The following CNTN4 variants were observed in gnomAD, a reference collection of about 807,000 sequenced individuals.
CNTN4 encodes the protein contactin-4.
A neutral mutation model predicts 122.5 loss-of-function variants in CNTN4; 77 were observed. The ratio of observed to expected loss-of-function variants is 0.63; its 90% CI spans 0.52 to 0.76. The LOEUF is 0.76. CNTN4 is among the 30% of genes least tolerant of loss of function. The pLI is 0.00. For synonymous variants in CNTN4, 512 were observed against 447.0 expected (o/e 1.15, Z -1.83); for missense variants, 1,256 against 1,259.1 (o/e 1.00, Z 0.04).
chr3:2,735,508 T>A (rs908846533), intron 4 of CNTN4, among the ~76,000 whole-genome samples: 1 of 152,198 alleles, frequency 6.6e-6, no homozygotes, highest in African/African-American at 2.4e-5. Flanking sequence ...TCCAAGCACA[T>A]AATCAGTGGA....
rs902710703 is a variant in CNTN4, at chr3:2,290,069, G to A, written c.-144-49109G>A. 3.3e-5 allele frequency among the ~76,000 whole-genome samples: 5 copies of A among 152,082 alleles called. No homozygotes were observed. In the East Asian group the frequency reaches 5.8e-4, roughly 18 times the overall value. On this transcript the variant is annotated intron_variant, in intron 2 of 24. Coordinates refer to ENST00000418658, the MANE Select transcript of CNTN4 (RefSeq NM_175607.3). ...TTTGAAACTTTTCTACACCTAACAC[G>A]ATGGAGTAACAGGGACTGGATTTAT...
intron 3 of CNTN4, among the ~76,000 whole-genome samples, chr3:2,469,292 A>G (rs2075607126): frequency 6.6e-6 from 1 of 152,318 alleles, no homozygotes; most frequent in Non-Finnish European, 1.5e-5. Context: ...TCTACTTTTA[A>G]AGTTGAAGCT....
At chr3:2,346,320 T>C (rs967247112) in intron 3 of CNTN4, among the ~76,000 whole-genome samples, 2 of 152,256 alleles carry the variant, frequency 1.3e-5, no homozygotes, top group Admixed American at 6.5e-5. Flanking sequence ...ATTGTATCAC[T>C]CAAAGTTCCA....
intron 3 of CNTN4, among the ~76,000 whole-genome samples, chr3:2,455,645 A>C (rs2151391017): frequency 6.6e-6 from 1 of 152,218 alleles, no homozygotes; most frequent in Admixed American, 6.6e-5. Flanking sequence ...GCGCCTCCAA[A>C]AAATATGCAA....
chr3:2,574,195 A>AG (rs2079557721), intron 4 of CNTN4, among the ~76,000 whole-genome samples: 4 of 151,946 alleles, frequency 2.6e-5, no homozygotes, highest in African/African-American at 9.7e-5. Context: ...CAGCCTGGGC[A>AG]ACAAGAGTGA....
At chr3:2,379,683 G>A (rs766098860) in intron 3 of CNTN4, among the ~76,000 whole-genome samples, 4 of 152,160 alleles carry the variant, frequency 2.6e-5, no homozygotes, top group Middle Eastern at 3.4e-3. Flanking sequence ...ACTTTTTCAG[G>A]CTATTTGATC....
chr3:2,363,085 T>A (rs2045226432), intron 3 of CNTN4, among the ~76,000 whole-genome samples: 1 of 152,212 alleles, frequency 6.6e-6, no homozygotes, highest in South Asian at 2.1e-4. Context: ...TATCTATATC[T>A]GAACCAGTCA....
intron 13 of CNTN4, chr3:2,985,577 G>A: frequency 6.6e-6 from 1 of 152,314 alleles, no homozygotes; most frequent in Non-Finnish European, 1.5e-5. Flanking sequence ...ACTGGCCATG[G>A]CTCCAGCTCG....
intron 6 of CNTN4, among the ~76,000 whole-genome samples, chr3:2,751,115 C>T (rs2090068674): frequency 6.7e-6 from 1 of 149,350 alleles, no homozygotes; most frequent in Non-Finnish European, 1.5e-5. Flanking sequence ...TCCTGGCTAA[C>T]ATGGTGAAAC....
At chr3:2,968,730 A>C (rs958435333) in intron 13 of CNTN4, among the ~76,000 whole-genome samples, 3 of 152,212 alleles carry the variant, frequency 2.0e-5, no homozygotes, top group African/African-American at 7.2e-5. Context: ...ACTATATTGC[A>C]TGAGCTTATA....
chr3:2,248,703 C>T (rs780781672), intron 2 of CNTN4, among the ~76,000 whole-genome samples: 1 of 151,984 alleles, frequency 6.6e-6, no homozygotes, highest in Non-Finnish European at 1.5e-5. Flanking sequence ...AGCTTGAGCA[C>T]TCTCTTCCGT....
chr3:2,944,369 G>A (rs2094650768), intron 13 of CNTN4, among the ~76,000 whole-genome samples: 1 of 152,118 alleles, frequency 6.6e-6, no homozygotes, highest in South Asian at 2.1e-4. Flanking sequence ...GCTAAGAGCA[G>A]CATCTAGTCT....
At chr3:2,815,523 T>C (rs2092705925) in intron 6 of CNTN4, among the ~76,000 whole-genome samples, 1 of 152,142 alleles carries the variant, frequency 6.6e-6, no homozygotes, top group East Asian at 1.9e-4. Flanking sequence ...GGGAAATGCA[T>C]ATCAAAACCA....
chr3:2,614,521 C>A (rs1233151146), intron 4 of CNTN4, among the ~76,000 whole-genome samples: 4 of 151,996 alleles, frequency 2.6e-5, no homozygotes, highest in Admixed American at 2.6e-4. Flanking sequence ...TGGGGAAGAC[C>A]AAACTGGTGT....
intron 3 of CNTN4, among the ~76,000 whole-genome samples, chr3:2,497,615 A>G (rs919081621): frequency 2.6e-5 from 4 of 152,198 alleles, no homozygotes; most frequent in Non-Finnish European, 5.9e-5. Context: ...GCATTGTGGC[A>G]TATGAAATTT....
At chr3:2,156,112 G>A (rs13327252) in intron 2 of CNTN4, among the ~76,000 whole-genome samples, 65,644 of 151,900 alleles carry the variant, frequency 0.43, 14,878 homozygotes, top group East Asian at 0.57. Context: ...AGAAGGGGGT[G>A]TAATCAGGGT....
intron 13 of CNTN4, among the ~76,000 whole-genome samples, chr3:2,944,743 C>G (rs912899493): frequency 2.0e-5 from 3 of 152,300 alleles, no homozygotes; most frequent in Admixed American, 6.5e-5. Flanking sequence ...CTGCTACTGC[C>G]TTAGATTGCG....
intron 2 of CNTN4, among the ~76,000 whole-genome samples, chr3:2,243,294 C>G (rs776379758): frequency 5.9e-5 from 9 of 152,088 alleles, no homozygotes; most frequent in Non-Finnish European, 1.0e-4. Context: ...TCAGCAACCA[C>G]TGCTCTGGGT....
chr3:2,124,828 C>G (rs866732958), intron 2 of CNTN4, among the ~76,000 whole-genome samples: 26 of 152,304 alleles, frequency 1.7e-4, no homozygotes, highest in Middle Eastern at 6.8e-3. Flanking sequence ...AAAATCTACA[C>G]AGATTTAATG....
Sources: allele counts gnomAD v4.1 joint callset (sites outside exome capture counted in the v4.1 genomes callset), GRCh38; gene constraint gnomAD v4.1.1; transcripts MANE v1.5; gene names NCBI Gene and HGNC (gene_info 2026-07-23, HGNC 2026-07-21).